Variants in OR2L13 observed in about 807,000 individuals in gnomAD.
The protein encoded by OR2L13 is olfactory receptor 2L13.
OR2L13 carries 14 observed loss-of-function variants against 15.3 expected under a neutral mutation model. The ratio of observed to expected loss-of-function variants is 0.91; its 90% CI spans 0.60 to 1.43. The LOEUF is 1.43. Ranked by LOEUF, OR2L13 falls within the 40% of genes most tolerant of loss-of-function variation. The pLI is 0.00. For missense variants in OR2L13, 367 were observed against 387.9 expected (o/e 0.95, Z 0.45); for synonymous variants, 152 against 142.9 (o/e 1.06, Z -0.45).
the OR2L13 span, among the ~76,000 whole-genome samples, chr1:248,015,001 T>C: frequency 1.3e-5 from 2 of 152,276 alleles, no homozygotes; most frequent in Middle Eastern, 3.4e-3. Context: ...TGTCTATCCA[T>C]GAAAATGTCT....
chr1:248,099,505 A>G, exon 3 of OR2L13: 1 of 1,613,962 alleles, frequency 6.2e-7, no homozygotes, highest in Non-Finnish European at 8.5e-7. Context: ...TAACTCGGCC[A>G]TGATTCACCT....
chr1:247,959,006 G>C, the OR2L13 span, among the ~76,000 whole-genome samples: 3 of 152,092 alleles, frequency 2.0e-5, no homozygotes, highest in African/African-American at 7.2e-5. Flanking sequence ...TGGTTATTTT[G>C]CTCGTTAGTT....
the OR2L13 span, among the ~76,000 whole-genome samples, chr1:248,037,292 A>G: frequency 6.6e-6 from 1 of 152,192 alleles, no homozygotes; most frequent in Non-Finnish European, 1.5e-5. Context: ...CCTCCAAATG[A>G]ATCATAGGCT....
chr1:247,999,678 C>T, the OR2L13 span, among the ~76,000 whole-genome samples: 1 of 152,114 alleles, frequency 6.6e-6, no homozygotes, highest in Non-Finnish European at 1.5e-5. Flanking sequence ...GGAGAGCCAT[C>T]CTTGTCTAGA....
the OR2L13 span, among the ~76,000 whole-genome samples, chr1:247,970,487 T>C: frequency 6.6e-6 from 1 of 152,016 alleles, no homozygotes; most frequent in African/African-American, 2.4e-5. Flanking sequence ...ACAACTTGTG[T>C]GTATATAGGA....
chr1:248,004,208 C>T, the OR2L13 span: 3 of 688,028 alleles, frequency 4.4e-6, no homozygotes, highest in Non-Finnish European at 6.7e-6. Context: ...GATTTCTGGA[C>T]AAAATTGTTT....
At chr1:248,082,599 C>G in the OR2L13 span, among the ~76,000 whole-genome samples, 26 of 152,312 alleles carry the variant, frequency 1.7e-4, no homozygotes, top group East Asian at 5.0e-3. Flanking sequence ...TAGCCTGTCT[C>G]TGATTGCAAT....
chr1:248,055,068 T>C, the OR2L13 span, among the ~76,000 whole-genome samples: 1 of 152,228 alleles, frequency 6.6e-6, no homozygotes, highest in Admixed American at 6.5e-5. Flanking sequence ...CAATATTGGC[T>C]GTGGGTTTGT....
the OR2L13 span, among the ~76,000 whole-genome samples, chr1:247,995,106 C>G: frequency 5.3e-5 from 8 of 152,138 alleles, no homozygotes; most frequent in Non-Finnish European, 1.5e-5. Context: ...GACATTAGGT[C>G]CAATAGCTTT....
At chr1:247,946,737 A>G in the OR2L13 span, among the ~76,000 whole-genome samples, 2 of 152,114 alleles carry the variant, frequency 1.3e-5, no homozygotes, top group African/African-American at 2.4e-5. Context: ...TCCCTCCTCC[A>G]TAATCACCCC....
At chr1:247,995,888 G>A in the OR2L13 span, among the ~76,000 whole-genome samples, 2 of 152,186 alleles carry the variant, frequency 1.3e-5, no homozygotes, top group Admixed American at 1.3e-4. Context: ...AATTACAATG[G>A]GTCCACTGAC....
exon 3 of OR2L13, chr1:248,099,554 T>C (rs1472158596): frequency 6.2e-7 from 1 of 1,614,108 alleles, no homozygotes; most frequent in Non-Finnish European, 8.5e-7. Context: ...CCGATGTACT[T>C]TCTTCTCAGC....
chr1:248,098,206 C>A (rs1471934435), intron 1 of OR2L13, among the ~76,000 whole-genome samples: 1 of 152,066 alleles, frequency 6.6e-6, no homozygotes, highest in Non-Finnish European at 1.5e-5. Context: ...GTTTGTTGGT[C>A]TATTGTTTGT....
intron 1 of OR2L13, among the ~76,000 whole-genome samples, chr1:248,097,845 C>T (rs913634520): frequency 1.3e-5 from 2 of 152,234 alleles, no homozygotes; most frequent in Non-Finnish European, 2.9e-5. Context: ...TGGGCATCCC[C>T]TAAGGCCTGG....
At chr1:247,989,027 C>A in the OR2L13 span, among the ~76,000 whole-genome samples, 1 of 151,950 alleles carries the variant, frequency 6.6e-6, no homozygotes, top group South Asian at 2.1e-4. Context: ...AGAGCGTGAA[C>A]AGAGACATGG....
chr1:247,943,863 T>C, the OR2L13 span, among the ~76,000 whole-genome samples: 1 of 152,292 alleles, frequency 6.6e-6, no homozygotes, highest in Admixed American at 6.5e-5. Flanking sequence ...TTTTTCTATA[T>C]ACTATAAAGT....
At chr1:248,074,858 G>T in the OR2L13 span, among the ~76,000 whole-genome samples, 2 of 151,754 alleles carry the variant, frequency 1.3e-5, no homozygotes, top group Admixed American at 1.3e-4. Flanking sequence ...AATCTTAGAA[G>T]ACATAGACGA....
chr1:248,077,080 T>C, the OR2L13 span, among the ~76,000 whole-genome samples: 34 of 152,162 alleles, frequency 2.2e-4, no homozygotes, highest in Non-Finnish European at 3.5e-4. Flanking sequence ...AAAGGCCTTT[T>C]CTGCATCTAT....
At chr1:248,004,449 CA>C in the OR2L13 span, among the ~76,000 whole-genome samples, 1 of 152,004 alleles carries the variant, frequency 6.6e-6, no homozygotes. Flanking sequence ...ATGTCTAAAA[CA>C]AAAAAATATC....
Sources: allele counts gnomAD v4.1 joint callset (sites outside exome capture counted in the v4.1 genomes callset), GRCh38; gene constraint gnomAD v4.1.1; transcripts MANE v1.5; gene names NCBI Gene and HGNC (gene_info 2026-07-23, HGNC 2026-07-21).